SRBD1: variants seen among roughly 807,000 people sequenced by gnomAD.
SRBD1 encodes the protein S1 RNA-binding domain-containing protein 1.
SRBD1 carries 88 observed loss-of-function variants against 115.3 expected under a neutral mutation model. That is an observed-to-expected ratio of 0.76 (90% CI 0.64 to 0.91). SRBD1 has a LOEUF of 0.91. SRBD1 is among the 40% of genes least tolerant of loss of function. The pLI is 0.00. For synonymous variants in SRBD1, 509 were observed against 407.7 expected (o/e 1.25, Z -2.99); for missense variants, 1,385 against 1,177.4 (o/e 1.18, Z -2.58).
intron 20 of SRBD1, among the ~76,000 whole-genome samples, chr2:45,392,017 A>C (rs1249863108): frequency 1.3e-5 from 2 of 152,098 alleles, no homozygotes; most frequent in Non-Finnish European, 2.9e-5. Flanking sequence ...ATGGAGATGG[A>C]TTTGTCTGCT....
At chr2:45,608,557 T>C (rs1372291711) in intron 1 of SRBD1, among the ~76,000 whole-genome samples, 1 of 152,174 alleles carries the variant, frequency 6.6e-6, no homozygotes, top group Non-Finnish European at 1.5e-5. Flanking sequence ...CAAAACCTCA[T>C]CCATCTCCAC....
At chr2:45,580,873 C>T (rs562193883) in intron 6 of SRBD1, among the ~76,000 whole-genome samples, 3 of 150,770 alleles carry the variant, frequency 2.0e-5, no homozygotes, top group Middle Eastern at 3.4e-3. Flanking sequence ...TTAGTAGAGA[C>T]GGGGTTTCAC....
At chr2:45,445,036 C>T (rs1350124718) in intron 16 of SRBD1, among the ~76,000 whole-genome samples, 1 of 152,204 alleles carries the variant, frequency 6.6e-6, no homozygotes, top group Non-Finnish European at 1.5e-5. Flanking sequence ...GTCATCCCGA[C>T]CACAGTAGAC....
chr2:45,544,232 CA>C (rs777800446), intron 14 of SRBD1, among the ~76,000 whole-genome samples: 26,071 of 72,326 alleles, frequency 0.36, 2,131 homozygotes, highest in Non-Finnish European at 0.4. Flanking sequence ...GACTCCGGCT[CA>C]AAAAAAAAAA....
At chr2:45,406,801 G>C (rs1667451051) in intron 19 of SRBD1, among the ~76,000 whole-genome samples, 1 of 151,658 alleles carries the variant, frequency 6.6e-6, no homozygotes, top group Non-Finnish European at 1.5e-5. Flanking sequence ...ATGTTTCCTT[G>C]AAAGAAAAGG....
chr2:45,548,930 G>C (rs1395855287), intron 12 of SRBD1: 1 of 152,112 alleles, frequency 6.6e-6, no homozygotes, highest in Non-Finnish European at 1.5e-5. Flanking sequence ...GAAGCAGAAA[G>C]AAACAGTGGA....
chr2:45,423,150 T>A (rs539194688), intron 16 of SRBD1, among the ~76,000 whole-genome samples: 77 of 152,300 alleles, frequency 5.1e-4, no homozygotes, highest in African/African-American at 1.8e-3. Context: ...GGTAATGATA[T>A]TCTTGTAGAT....
intron 16 of SRBD1, among the ~76,000 whole-genome samples, chr2:45,475,455 T>C (rs949456097): frequency 3.3e-5 from 5 of 152,200 alleles, no homozygotes; most frequent in African/African-American, 1.2e-4. Flanking sequence ...TACTTCTCAC[T>C]GTTGTTAAAA....
intron 16 of SRBD1, among the ~76,000 whole-genome samples, chr2:45,464,091 C>T (rs896821472): frequency 6.6e-6 from 1 of 151,844 alleles, no homozygotes; most frequent in Non-Finnish European, 1.5e-5. Context: ...AGGATTATTT[C>T]CACCGAGAAC....
intron 14 of SRBD1, among the ~76,000 whole-genome samples, chr2:45,540,949 C>T (rs1671914901): frequency 6.6e-6 from 1 of 152,214 alleles, no homozygotes; most frequent in Admixed American, 6.5e-5. Context: ...ACTTTTCCAG[C>T]CAGACACCTC....
chr2:45,494,248 A>C (rs1028760212), intron 14 of SRBD1, among the ~76,000 whole-genome samples: 1 of 152,206 alleles, frequency 6.6e-6, no homozygotes, highest in Non-Finnish European at 1.5e-5. Context: ...AACATGTATT[A>C]TTACTTTAAT....
At chr2:45,523,257 C>A in intron 14 of SRBD1, among the ~76,000 whole-genome samples, 1 of 147,562 alleles carries the variant, frequency 6.8e-6, no homozygotes, top group Non-Finnish European at 1.5e-5. Flanking sequence ...ATAACCCAAC[C>A]TTCCACCCAA....
chr2:45,592,565 G>C (rs1284558212), intron 4 of SRBD1, among the ~76,000 whole-genome samples: 1 of 152,070 alleles, frequency 6.6e-6, no homozygotes, highest in Non-Finnish European at 1.5e-5. Flanking sequence ...AGTTTGCCTT[G>C]GTCTCTCTTG....
At chr2:45,584,860 T>C (rs1399281814) in intron 5 of SRBD1, among the ~76,000 whole-genome samples, 1 of 152,026 alleles carries the variant, frequency 6.6e-6, no homozygotes, top group African/African-American at 2.4e-5. Flanking sequence ...ATTAAAAGTA[T>C]GGGAAAAAGG....
intron 19 of SRBD1, among the ~76,000 whole-genome samples, chr2:45,393,998 T>A (rs1667076645): frequency 6.6e-6 from 1 of 152,140 alleles, no homozygotes; most frequent in African/African-American, 2.4e-5. Flanking sequence ...ATAAACTAAA[T>A]TATATCAAGT....
intron 14 of SRBD1, among the ~76,000 whole-genome samples, chr2:45,510,770 C>T (rs1373301040): frequency 6.6e-6 from 1 of 152,130 alleles, no homozygotes; most frequent in African/African-American, 2.4e-5. Flanking sequence ...TAAAGTCGGG[C>T]CTTTTAACAG....
intron 16 of SRBD1, among the ~76,000 whole-genome samples, chr2:45,469,041 G>A (rs1202605878): frequency 6.6e-6 from 1 of 151,916 alleles, no homozygotes; most frequent in East Asian, 1.9e-4. Context: ...CATAGCCTTT[G>A]CCTGTTTTTC....
chr2:45,571,527 A>AAAAAAAAAAACAAAAAAAAG (rs1673013911), intron 9 of SRBD1, among the ~76,000 whole-genome samples: 1 of 148,834 alleles, frequency 6.7e-6, no homozygotes, highest in African/African-American at 2.5e-5. Context: ...CAAAAAAAAA[A>AAAAAAAAAAACAAAAAAAAG]AAAAAAAAAA....
Position 45,605,370 on chromosome 2 carries a change from G to T in SRBD1, c.72C>A (p.Phe24Leu). 1 of 1,613,222 alleles carries T rather than the reference G, an allele frequency of 6.2e-7. No individual in the cohort carries two copies. Residue 24 changes from phenylalanine (F) to leucine (L), a missense_variant, in exon 2 of 21, where the codon TTC (phenylalanine) becomes TTA (leucine). Phe to Leu is a conservative substitution (Grantham distance 22). Transcript: ENST00000263736. ...DVVLKDEFSS[F>L]SELSSASEED... ...TAAACCAGTATGCTTACAACTCAGA[G>T]AATGAAGAAAATTCATCTTTCAGTA...
Sources: gnomAD v4.1 joint callset for allele counts (sites outside exome capture counted in the v4.1 genomes callset) on GRCh38, gnomAD v4.1.1 for gene constraint, MANE v1.5 for transcripts, NCBI Gene and HGNC (gene_info 2026-07-23, HGNC 2026-07-21) for gene names.